OCA2: variants seen among roughly 807,000 people sequenced by gnomAD.
OCA2 encodes P protein.
A neutral mutation model predicts 100.2 loss-of-function variants in OCA2; 77 were observed. That is an observed-to-expected ratio of 0.77 (90% CI 0.64 to 0.93). The LOEUF is 0.93. Among genes scored for constraint, OCA2 ranks in the 40% least tolerant of loss-of-function variants. The probability of loss-of-function intolerance (pLI) is 0.00; values close to 1 mark genes in which losing one functional copy is unlikely to be tolerated. For missense variants in OCA2, 1,062 were observed against 1,089.1 expected (o/e 0.98, Z 0.35); for synonymous variants, 432 against 439.2 (o/e 0.98, Z 0.21).
intron 19 of OCA2, among the ~76,000 whole-genome samples, chr15:27,872,980 G>A (rs948124089): frequency 3.9e-5 from 6 of 152,076 alleles, no homozygotes; most frequent in Non-Finnish European, 7.4e-5. Context: ...GTGAGCCAAC[G>A]TGCCGGCCAG....
chr15:27,930,427 G>A (rs182034947), intron 18 of OCA2, among the ~76,000 whole-genome samples: 4 of 152,018 alleles, frequency 2.6e-5, no homozygotes, highest in Admixed American at 1.3e-4. Context: ...TAAAGTTCTA[G>A]AAAATTTAAA....
chr15:27,923,983 T>C (rs1595656598), intron 19 of OCA2, among the ~76,000 whole-genome samples: 1 of 152,182 alleles, frequency 6.6e-6, no homozygotes, highest in East Asian at 1.9e-4. Context: ...CAGGGTTTTA[T>C]AGTTTGGGGT....
chr15:28,022,117 G>C (rs1270181134), intron 6 of OCA2, among the ~76,000 whole-genome samples: 1 of 152,240 alleles, frequency 6.6e-6, no homozygotes, highest in Non-Finnish European at 1.5e-5. Flanking sequence ...AAGCACAGTA[G>C]GAGGTGCCAC....
chr15:28,096,501 G>C (rs775754376), intron 1 of OCA2, among the ~76,000 whole-genome samples: 1 of 152,176 alleles, frequency 6.6e-6, no homozygotes. Context: ...GGCCAAGAAG[G>C]CCTGAAGAAG....
chr15:27,983,230 G>T, intron 14 of OCA2, 115 bp downstream of exon 14: 1 of 1,291,202 alleles, frequency 7.7e-7, no homozygotes. Context: ...AGCACTTACT[G>T]TGAAGAGGTG....
chr15:28,088,807 G>A (rs993026830), intron 1 of OCA2, among the ~76,000 whole-genome samples: 1 of 152,112 alleles, frequency 6.6e-6, no homozygotes, highest in African/African-American at 2.4e-5. Flanking sequence ...ACAGGACCAG[G>A]GCAAAATTAA....
In OCA2 at chr15:27,871,788, C is replaced by CT. The variant is rs372214357; in HGVS notation, c.2139+74dup. 0.018 allele frequency: 15,203 copies of CT among 844,898 alleles called. 109 individuals carry two copies. The highest frequency in any genetic ancestry group is 0.074 in the African/African-American group (4,277 of 57,734). 52.3% of individuals were successfully genotyped at this position (844,898 alleles called of 1,614,324 possible). A position where few individuals can be genotyped will look rare whatever the true frequency, so the allele number is the denominator to read the frequency against. The stretch of plus-strand genomic sequence containing the variant: ...AATGGGACCTGTTCTTACCAGAGTG[C>CT]TTTTTTTTTTTAATTTTTTTCACAA... On this transcript the variant is annotated intron_variant, in intron 20 of 23. Coordinates refer to ENST00000354638, the MANE Select transcript of OCA2 (RefSeq NM_000275.3).
intron 2 of OCA2, among the ~76,000 whole-genome samples, chr15:28,042,092 C>CATATATT (rs1318582619): frequency 6.6e-6 from 1 of 152,108 alleles, no homozygotes; most frequent in African/African-American, 2.4e-5. Context: ...CCATATGTTA[C>CATATATT]ATATATTATT....
chr15:27,995,813 C>A (rs1409409358), intron 9 of OCA2, among the ~76,000 whole-genome samples: 1 of 136,816 alleles, frequency 7.3e-6, no homozygotes, highest in African/African-American at 2.8e-5. Context: ...TTAAGCAACA[C>A]TTTTTTTTTT....
chr15:27,724,246 G>A, the OCA2 span, among the ~76,000 whole-genome samples: 1 of 152,208 alleles, frequency 6.6e-6, no homozygotes, highest in Non-Finnish European at 1.5e-5. Context: ...CTGGAGGCTG[G>A]AAGGCTGAGA....
At chr15:27,986,288 T>G (rs1037598454) in intron 12 of OCA2, among the ~76,000 whole-genome samples, 1 of 152,218 alleles carries the variant, frequency 6.6e-6, no homozygotes, top group Non-Finnish European at 1.5e-5. Context: ...CTCTAATATG[T>G]AAAACAATTT....
chr15:28,085,578 G>A (rs1418592545), intron 1 of OCA2, among the ~76,000 whole-genome samples: 1 of 152,132 alleles, frequency 6.6e-6, no homozygotes, highest in African/African-American at 2.4e-5. Context: ...TAGAAGCAAT[G>A]AGAATAAAAG....
intron 23 of OCA2, among the ~76,000 whole-genome samples, chr15:27,794,176 C>A (rs1438657824): frequency 6.6e-6 from 1 of 152,172 alleles, no homozygotes; most frequent in African/African-American, 2.4e-5. Flanking sequence ...CCGAAAACTG[C>A]GGACAACTCA....
At chr15:27,864,802 A>C (rs559022725) in intron 21 of OCA2, among the ~76,000 whole-genome samples, 1 of 152,206 alleles carries the variant, frequency 6.6e-6, no homozygotes, top group Admixed American at 6.5e-5. Flanking sequence ...TTGAAAAGTT[A>C]AGGTTTAAAT....
At chr15:27,871,066 C>T in intron 21 of OCA2, 88 bp downstream of exon 21, 1 of 972,094 alleles carries the variant, frequency 1.0e-6, no homozygotes. Flanking sequence ...GGGCAGGCTT[C>T]ATCCTCTGCT....
intron 19 of OCA2, among the ~76,000 whole-genome samples, chr15:27,884,996 C>A (rs913621459): frequency 2.0e-5 from 3 of 152,144 alleles, no homozygotes; most frequent in African/African-American, 7.2e-5. Flanking sequence ...TATGATGAAG[C>A]TTTACAGTGA....
intron 9 of OCA2, among the ~76,000 whole-genome samples, chr15:28,005,702 A>G (rs1445389644): frequency 6.6e-6 from 1 of 152,200 alleles, no homozygotes; most frequent in African/African-American, 2.4e-5. Context: ...TCACCCAGAT[A>G]GTCTCTACAT....
Position 27,856,422 on chromosome 15 carries a change from T to A in OCA2, c.2245-4947A>T, listed in dbSNP as rs185720373. On this transcript the variant is annotated intron_variant, in intron 21 of 23. Coordinates refer to ENST00000354638, the MANE Select transcript of OCA2 (RefSeq NM_000275.3). ...GGGTTTTGGTGAATTTTGGCTTTTT[T>A]AATAGTGGTTGTCACTCCCCATCTC... is the stretch of plus-strand genomic sequence containing the variant. Among the ~76,000 whole-genome samples the A allele has an allele frequency of 4.6e-5, 7 of 152,248 alleles. No individual in the cohort carries two copies. The East Asian group carries it at 7.7e-4, about 17-fold the overall frequency.
intron 18 of OCA2, among the ~76,000 whole-genome samples, chr15:27,943,170 G>A (rs1352331621): frequency 6.6e-6 from 1 of 152,074 alleles, no homozygotes; most frequent in Non-Finnish European, 1.5e-5. Context: ...CCCCCTCTCA[G>A]CCAAGGACAT....
Sources: allele counts gnomAD v4.1 joint callset (sites outside exome capture counted in the v4.1 genomes callset), GRCh38; gene constraint gnomAD v4.1.1; transcripts MANE v1.5; gene names NCBI Gene and HGNC (gene_info 2026-07-23, HGNC 2026-07-21).